Variants in TMEM143 observed in about 807,000 individuals in gnomAD.
The protein encoded by TMEM143 is transmembrane protein 143.
Under a neutral mutation model 40.3 loss-of-function variants are expected in TMEM143, and 45 were observed. The observed-to-expected ratio is 1.12, with a 90% CI of 0.88 to 1.43. The LOEUF is 1.43. TMEM143 is among the 40% of genes most tolerant of loss of function. TMEM143 has a pLI of 0.00. For missense variants in TMEM143, 620 were observed against 613.4 expected (o/e 1.01, Z -0.11); for synonymous variants, 299 against 282.7 (o/e 1.06, Z -0.58).
chr19:48,334,442 CTTTCTTTCTTTCTT>C (rs1969306212), intron 6 of TMEM143, among the ~76,000 whole-genome samples: 1 of 42,320 alleles, frequency 2.4e-5, no homozygotes, highest in South Asian at 6.0e-4. Context: ...TTCTTTCTTT[CTTTCTTTCTTTCTT>C]TCTTTCTTTC....
chr19:48,334,456 TTCTTTC>T (rs1569022417), intron 6 of TMEM143, among the ~76,000 whole-genome samples: 16 of 45,358 alleles, frequency 3.5e-4, no homozygotes, highest in African/African-American at 1.2e-3. Context: ...CTTTCTTTCT[TTCTTTC>T]TTTCTTTCTT....
At chr19:48,335,330 A>C (rs767714657) in intron 6 of TMEM143, among the ~76,000 whole-genome samples, 1 of 152,120 alleles carries the variant, frequency 6.6e-6, no homozygotes, top group Non-Finnish European at 1.5e-5. Context: ...TGTAATCCCA[A>C]CGCTGAGAGG....
At chr19:48,353,298 G>A (rs988294953) in intron 3 of TMEM143, among the ~76,000 whole-genome samples, 7 of 151,592 alleles carry the variant, frequency 4.6e-5, no homozygotes, top group Non-Finnish European at 8.8e-5. Flanking sequence ...TCCTGCCTCA[G>A]CCTCCACAGT....
Position 48,356,186 on chromosome 19 carries a change from C to T in TMEM143, c.369+3886G>A, listed in dbSNP as rs181243096. 5.3e-3 allele frequency among the ~76,000 whole-genome samples: 804 copies of T among 151,400 alleles called. 5 individuals are homozygous for T. The highest frequency in any genetic ancestry group is 8.4e-3 in the Non-Finnish European group (571 of 67,884). ...AGGCTGGAGTGCAGTGGCACAATCT[C>T]AGCTCACTGCAACCTCCGCCTCCTG... is the stretch of plus-strand genomic sequence containing the variant. On this transcript the variant is annotated intron_variant, in intron 3 of 7. Transcript: ENST00000293261.
chr19:48,344,223 C>T (rs949725233), intron 4 of TMEM143, among the ~76,000 whole-genome samples: 1 of 151,564 alleles, frequency 6.6e-6, no homozygotes, highest in African/African-American at 2.4e-5. Flanking sequence ...TAGCATTTTG[C>T]GTGCTTTTAG....
chr19:48,350,629 G>A (rs553815193), intron 3 of TMEM143, among the ~76,000 whole-genome samples: 134 of 152,102 alleles, frequency 8.8e-4, no homozygotes, highest in Admixed American at 2.9e-3. Context: ...CTAAAAGAAT[G>A]ACTTAATTGG....
At chr19:48,339,885 C>G (rs576329011) in intron 6 of TMEM143, among the ~76,000 whole-genome samples, 2 of 151,190 alleles carry the variant, frequency 1.3e-5, no homozygotes, top group African/African-American at 4.9e-5. Flanking sequence ...TGCGCCACCA[C>G]GCCTGGCTAA....
At chr19:48,362,957 C>A (rs275838) in intron 2 of TMEM143, among the ~76,000 whole-genome samples, 106,544 of 152,052 alleles carry the variant, frequency 0.7, 38,017 homozygotes, top group East Asian at 0.83. Flanking sequence ...AGCGTTGTGA[C>A]TTTATAGGTA....
chr19:48,334,428 TTC>T (rs1392540967), intron 6 of TMEM143, among the ~76,000 whole-genome samples: 6 of 50,266 alleles, frequency 1.2e-4, no homozygotes, highest in African/African-American at 6.6e-4. Flanking sequence ...CTTTCTTTCT[TTC>T]TTTCTTTCTT....
Position 48,334,075 on chromosome 19 carries a change from G to GGTGT in TMEM143, c.1094_1097dup (p.Lys367HisfsTer44). The GGTGT allele has an allele frequency of 6.3e-7, 1 of 1,586,544 alleles. No individual in the cohort carries two copies. The highest frequency in any genetic ancestry group is 8.6e-7 in the Non-Finnish European group (1 of 1,168,010). ...AGCTGTGAGCCAGCAGCGCCTCCTT[G>GGTGT]GTGTGCTCGTCCTGCGCGCGCAGGG... On this transcript the variant is annotated frameshift_variant, in exon 7 of 8. Transcript: ENST00000293261. LOFTEE classifies it high-confidence loss of function.
At chr19:48,360,970 G>A (rs1293362053) in intron 2 of TMEM143, among the ~76,000 whole-genome samples, 1 of 150,854 alleles carries the variant, frequency 6.6e-6, no homozygotes, top group Non-Finnish European at 1.5e-5. Context: ...TCAATTTTTT[G>A]TAAAGGTGGA....
At chr19:48,334,521 CTCTTTCTTTCTTTTCTTT>C (rs1569022671) in intron 6 of TMEM143, among the ~76,000 whole-genome samples, 5 of 125,868 alleles carry the variant, frequency 4.0e-5, no homozygotes, top group African/African-American at 1.5e-4. Context: ...TTCTTTCTTT[CTCTTTCTTTCTTTTCTTT>C]TCTTTCTTTC....
At chr19:48,357,637 T>C (rs956132652) in intron 3 of TMEM143, among the ~76,000 whole-genome samples, 1 of 151,720 alleles carries the variant, frequency 6.6e-6, no homozygotes, top group Non-Finnish European at 1.5e-5. Flanking sequence ...ATTACAGGCA[T>C]GAGCCACCAC....
Position 48,334,505 on chromosome 19 carries a change from TTTCTTTTC to T in TMEM143, c.976-316_976-309del, listed in dbSNP as rs1969320040. Among the ~76,000 whole-genome samples the T allele has an allele frequency of 2.8e-5, 4 of 141,850 alleles. 1 individual carries two copies. The South Asian group carries it at 8.5e-4, about 30-fold the overall frequency. The allele number at this position is 141,850 out of a possible 152,430, so 93.1% of individuals were successfully genotyped here. A position where few individuals can be genotyped will look rare whatever the true frequency, so the allele number is the denominator to read the frequency against. ...TTTTCTTTCTTTCTTTCGTTCTTTC[TTTCTTTTC>T]TTTCTTTCTCTTTCTTTCTTTTCTT... On this transcript the variant is annotated intron_variant, in intron 6 of 7. Transcript: ENST00000293261.
At position 48,333,227 on chromosome 19, in the gene TMEM143, T is replaced by C. The variant is rs1431825088; in HGVS notation, c.1372A>G (p.Ile458Val). 3.4e-6 allele frequency: 5 copies of C among 1,481,196 alleles called. No individual in the cohort carries two copies. In the African/African-American group the frequency reaches 4.2e-5, roughly 12 times the overall value. 91.8% of individuals were successfully genotyped at this position (1,481,196 alleles called of 1,614,324 possible). ...AGGGAGGTAGGTTCTACTCAGGAGA[T>C]GTTACTGCTGGGCGTGGCTTGCGGG... ...EPPQATPSSNIS is the reference protein window; with the variant it reads ...EPPQATPSSNVS Residue 458 changes from isoleucine (I) to valine (V), a missense_variant, in exon 8 of 8, where the codon ATC (isoleucine) becomes GTC (valine). Transcript: ENST00000293261. This position sits in a 1 kb window ranked among gnomAD's most constrained non-coding sequence, Gnocchi z 4.1.
Position 48,334,073 on chromosome 19 carries a change from T to C in TMEM143, c.1100A>G (p.Lys367Arg). 1 of 1,585,946 alleles carries C rather than the reference T, an allele frequency of 6.3e-7. No individual in the cohort carries two copies. The highest frequency in any genetic ancestry group is 8.6e-7 in the Non-Finnish European group (1 of 1,167,662). Residue 367 changes from lysine (K) to arginine (R), a missense_variant, in exon 7 of 8, where the codon AAG (lysine) becomes AGG (arginine). By Grantham distance (26) the Lys-to-Arg change is conservative (BLOSUM62 2). Transcript: ENST00000293261. ...GAAGCTGTGAGCCAGCAGCGCCTCC[T>C]TGGTGTGCTCGTCCTGCGCGCGCAG... ...LALRAQDEHT[K>R]EALLAHSFLA...
rs1341976832 is a variant in TMEM143, at chr19:48,360,140, C to T, written c.301G>A (p.Glu101Lys). 13 of 1,614,000 alleles carry T rather than the reference C, an allele frequency of 8.1e-6. No homozygotes were observed. Among genetic ancestry groups the T allele is most frequent in the Non-Finnish European group, 1.1e-5 (13 of 1,180,026 alleles). ...HSSPAEKAALEAFSAHVDFCT... is the reference protein window; with the variant it reads ...HSSPAEKAALKAFSAHVDFCT... ...AAGTCCACGTGGGCCGAGAACGCCT[C>T]CAAAGCCGCCTTCTCTGCCGGACTC... The change falls in exon 3 of 8, where the codon GAG becomes AAG. Residue 101 changes from glutamate (E) to lysine (K), a missense_variant. Glu to Lys is a moderately conservative substitution (Grantham distance 56). Transcript: ENST00000293261.
At chr19:48,344,241 GT>G (rs34541121) in intron 4 of TMEM143, among the ~76,000 whole-genome samples, 2,748 of 148,206 alleles carry the variant, frequency 0.019, 77 homozygotes, top group African/African-American at 0.064. Flanking sequence ...TAGGGGCTTG[GT>G]TTTTTTTTTC....
At chr19:48,352,660 A>C (rs992845633) in intron 3 of TMEM143, among the ~76,000 whole-genome samples, 1 of 151,934 alleles carries the variant, frequency 6.6e-6, no homozygotes, top group Non-Finnish European at 1.5e-5. Context: ...CTGTAGTCCC[A>C]GCTACTCAGG....
Sources: allele counts gnomAD v4.1 joint callset (sites outside exome capture counted in the v4.1 genomes callset), GRCh38; gene constraint gnomAD v4.1.1; non-coding constraint Gnocchi (gnomAD v3.1); transcripts MANE v1.5; gene names NCBI Gene and HGNC (gene_info 2026-07-23, HGNC 2026-07-21).